Variants in LPP observed in about 807,000 individuals in gnomAD.
LPP encodes the protein lipoma-preferred partner.
In LPP, 38 loss-of-function variants were observed where a neutral mutation model predicts 60.4. That is an observed-to-expected ratio of 0.63 (90% confidence interval 0.49 to 0.83). The LOEUF (loss-of-function observed/expected upper bound fraction) is 0.83, where lower values mean the gene tolerates loss of function less well. Among genes scored for constraint, LPP ranks in the 40% least tolerant of loss-of-function variants. The pLI is 0.00. For synonymous variants in LPP, 328 were observed against 290.8 expected (o/e 1.13, Z -1.30); for missense variants, 902 against 783.6 (o/e 1.15, Z -1.80).
At chr3:188,476,687 G>C (rs930756713) in intron 4 of LPP, among the ~76,000 whole-genome samples, 26 of 152,078 alleles carry the variant, frequency 1.7e-4, no homozygotes, top group African/African-American at 5.8e-4. Flanking sequence ...AAAATTAATA[G>C]TAATGTTTTC....
At chr3:188,796,589 C>G (rs767839409) in intron 9 of LPP, among the ~76,000 whole-genome samples, 4 of 152,126 alleles carry the variant, frequency 2.6e-5, no homozygotes, top group Non-Finnish European at 5.9e-5. Flanking sequence ...CTCTCCTCAT[C>G]GTTTCCCAGA....
intron 2 of LPP, among the ~76,000 whole-genome samples, chr3:188,231,716 C>T (rs555711732): frequency 8.0e-4 from 121 of 152,198 alleles, no homozygotes; most frequent in African/African-American, 2.9e-3. Flanking sequence ...TCCACACAGT[C>T]TCTGCTGCAT....
chr3:188,534,330 A>G (rs1822991237), intron 6 of LPP, among the ~76,000 whole-genome samples: 1 of 152,234 alleles, frequency 6.6e-6, no homozygotes, highest in Non-Finnish European at 1.5e-5. Context: ...ACTCAATCCA[A>G]CATTGGTTTG....
chr3:188,407,083 A>T (rs1452682015), intron 4 of LPP, among the ~76,000 whole-genome samples: 1 of 152,072 alleles, frequency 6.6e-6, no homozygotes, highest in Non-Finnish European at 1.5e-5. Context: ...TTAAAATAAA[A>T]AAAAAAAAAA....
chr3:188,499,346 G>T, intron 5 of LPP, among the ~76,000 whole-genome samples: 1 of 152,074 alleles, frequency 6.6e-6, no homozygotes, highest in Admixed American at 6.5e-5. Flanking sequence ...TTTGTGTGTG[G>T]ATATTAAATT....
intron 1 of LPP, among the ~76,000 whole-genome samples, chr3:188,219,856 A>G (rs758464828): frequency 1.3e-5 from 2 of 152,156 alleles, no homozygotes; most frequent in African/African-American, 2.4e-5. Flanking sequence ...TAACCTCTCC[A>G]ATCTTCATTC....
intron 5 of LPP, among the ~76,000 whole-genome samples, chr3:188,519,914 A>G (rs551615530): frequency 1.3e-3 from 194 of 152,348 alleles, no homozygotes; most frequent in African/African-American, 4.4e-3. Flanking sequence ...CTCCTCGTCT[A>G]TCACCTGTAG....
intron 6 of LPP, among the ~76,000 whole-genome samples, chr3:188,589,887 G>C (rs1321730423): frequency 6.6e-6 from 1 of 152,194 alleles, no homozygotes; most frequent in Non-Finnish European, 1.5e-5. Flanking sequence ...TTGAAAAGAT[G>C]AAGGTTTTGC....
At chr3:188,427,927 G>C (rs746754042) in intron 4 of LPP, among the ~76,000 whole-genome samples, 39 of 152,056 alleles carry the variant, frequency 2.6e-4, no homozygotes, top group Non-Finnish European at 5.1e-4. Context: ...GAACGGTTCT[G>C]TCTCCCTGGC....
In LPP at chr3:188,237,403, T is replaced by A. The variant is rs367633067; in HGVS notation, c.-67+11876T>A. Among the ~76,000 whole-genome samples, 54 of 152,370 alleles carry A rather than the reference T, an allele frequency of 3.5e-4. No individual in the cohort carries two copies. In the South Asian group the frequency reaches 0.011, roughly 32 times the overall value. On this transcript the variant is annotated intron_variant, in intron 2 of 11. Transcript: ENST00000617246. ...AATCACAAATGTTCTTAATGGCATC[T>A]AGAATGGTGAATCCTTTTTAGAAAG...
rs934354331 is a variant in LPP, at chr3:188,882,778, G to C, written c.*8299G>C. The C allele has an allele frequency of 5.4e-6, 1 of 184,598 alleles. No individual in the cohort carries two copies. The highest frequency in any genetic ancestry group is 1.1e-5 in the Non-Finnish European group (1 of 87,484). The allele number at this position is 184,598 out of a possible 1,614,324, so 11.4% of individuals were successfully genotyped here. A position where few individuals can be genotyped will look rare whatever the true frequency, so the allele number is the denominator to read the frequency against. On this transcript the variant is annotated 3_prime_UTR_variant, in exon 12 of 12. Coordinates refer to ENST00000617246, the MANE Select transcript of LPP (RefSeq NM_001375462.1). ...TTTTGAGACGGAGTCTTGCTCTGTC[G>C]CCCAGGCTGGAGTGCAGTGGCGCAA...
At chr3:188,431,952 C>A (rs964674348) in intron 4 of LPP, among the ~76,000 whole-genome samples, 6 of 152,176 alleles carry the variant, frequency 3.9e-5, no homozygotes, top group African/African-American at 9.7e-5. Flanking sequence ...CATGTCCTTT[C>A]ATTCTAAGCT....
chr3:188,773,803 G>A lies in LPP; in HGVS notation c.1410+13521G>A, dbSNP rs112350477. Reference sequence around the variant, plus strand: ...GTAGTTTCTCCACAAAATGGAACGCGCTAAATGTGTTGGGGCCTCAGGAAA... The same window carrying A: ...GTAGTTTCTCCACAAAATGGAACGCACTAAATGTGTTGGGGCCTCAGGAAA... On this transcript the variant is annotated intron_variant, in intron 9 of 11. Coordinates refer to ENST00000617246, the MANE Select transcript of LPP (RefSeq NM_001375462.1). 5.9e-3 allele frequency among the ~76,000 whole-genome samples: 904 copies of A among 152,162 alleles called. 10 individuals carry two copies. Among genetic ancestry groups the A allele is most frequent in the African/African-American group, 0.016 (684 of 41,496 alleles).
rs1270381048 is a variant in LPP, at chr3:188,610,834, T to C, written c.1113+990T>C. On this transcript the variant is annotated intron_variant, in intron 7 of 11. Transcript: ENST00000617246. The surrounding 1 kb of genome is among the most constrained non-coding windows in gnomAD (Gnocchi z 4.4). ...AGGAACTGAGCCAGTTTCCAGCCAC[T>C]TGGGTTGGAAGAGTGCCCTTGCTTC... Among the ~76,000 whole-genome samples the C allele has an allele frequency of 6.6e-6, 1 of 152,150 alleles. No homozygotes were observed. Among genetic ancestry groups the C allele is most frequent in the Non-Finnish European group, 1.5e-5 (1 of 68,026 alleles).
intron 8 of LPP, chr3:188,710,765 A>G (rs1438563768): frequency 1.3e-5 from 2 of 152,224 alleles, no homozygotes. Flanking sequence ...TTGCCACAAA[A>G]AAAAAACTGA....
chr3:188,496,047 T>C (rs1311958325), intron 5 of LPP, among the ~76,000 whole-genome samples: 1 of 152,218 alleles, frequency 6.6e-6, no homozygotes, highest in Non-Finnish European at 1.5e-5. Flanking sequence ...GGGGTTAAGC[T>C]ATTATTATCA....
intron 9 of LPP, among the ~76,000 whole-genome samples, chr3:188,819,820 G>C (rs76145346): frequency 0.023 from 3,535 of 152,202 alleles, 121 homozygotes; most frequent in African/African-American, 0.08. Flanking sequence ...GGGGGTCTTT[G>C]AATGGCAAAC....
chr3:188,430,223 A>C (rs1360539572), intron 4 of LPP, among the ~76,000 whole-genome samples: 1 of 152,174 alleles, frequency 6.6e-6, no homozygotes, highest in African/African-American at 2.4e-5. Flanking sequence ...AATAAGTTGG[A>C]AAAACTAGAG....
chr3:188,656,896 G>A (rs1580737510), intron 7 of LPP, among the ~76,000 whole-genome samples: 1 of 152,196 alleles, frequency 6.6e-6, no homozygotes, highest in South Asian at 2.1e-4. Context: ...CACAGGACTA[G>A]TAAATTATGA....
Sources: allele counts gnomAD v4.1 joint callset (sites outside exome capture counted in the v4.1 genomes callset), GRCh38; gene constraint gnomAD v4.1.1; non-coding constraint Gnocchi (gnomAD v3.1); transcripts MANE v1.5; gene names NCBI Gene and HGNC (gene_info 2026-07-23, HGNC 2026-07-21).